SNX13: variants seen among roughly 807,000 people sequenced by gnomAD.
The protein encoded by SNX13 is sorting nexin 13.
Under a neutral mutation model 133.6 loss-of-function variants are expected in SNX13, and 45 were observed. The observed-to-expected ratio is 0.34, with a 90% CI of 0.27 to 0.43. The LOEUF (loss-of-function observed/expected upper bound fraction) is 0.43, where lower values mean the gene tolerates loss of function less well. Among genes scored for constraint, SNX13 ranks in the 20% least tolerant of loss-of-function variants. SNX13 has a pLI of 1.00. For synonymous variants in SNX13, 414 were observed against 373.9 expected, an observed-to-expected ratio of 1.11 and a Z score of -1.24; for missense variants, 1,032 against 1,145.1, an observed-to-expected ratio of 0.90 and a Z score of 1.43.
chr7:17,893,965 G>C (rs1796926656), intron 2 of SNX13, among the ~76,000 whole-genome samples: 1 of 111,074 alleles, frequency 9.0e-6, no homozygotes, highest in Admixed American at 9.3e-5. Flanking sequence ...GATCAAGACT[G>C]TCTCGAAAAA....
chr7:17,917,442 G>A (rs180797477), intron 1 of SNX13, among the ~76,000 whole-genome samples: 26 of 152,006 alleles, frequency 1.7e-4, no homozygotes, highest in Non-Finnish European at 1.9e-4. Flanking sequence ...TCCTAGACCC[G>A]ATATACAACT....
Position 17,793,892 on chromosome 7 carries a change from GAGA to G in SNX13, c.*150_*152del. On this transcript the variant is annotated 3_prime_UTR_variant, in exon 26 of 26. Coordinates refer to ENST00000428135, the MANE Select transcript of SNX13 (RefSeq NM_015132.5). ...GTAGTGGTGGATTATAGATGAGAATGAGAAGAACCACAGACTTATGGATGTATT... is the reference window on the plus strand; with the variant it reads ...GTAGTGGTGGATTATAGATGAGAATGAGAACCACAGACTTATGGATGTATT... 1 of 754,790 alleles carries G rather than the reference GAGA, an allele frequency of 1.3e-6. No individual in the cohort carries two copies. The highest frequency in any genetic ancestry group is 2.0e-6 in the Non-Finnish European group (1 of 494,284). 46.8% of individuals were successfully genotyped at this position (754,790 alleles called of 1,614,324 possible). A position where few individuals can be genotyped will look rare whatever the true frequency, so the allele number is the denominator to read the frequency against.
chr7:17,837,006 G>A (rs1178923526), intron 13 of SNX13, among the ~76,000 whole-genome samples: 1 of 151,876 alleles, frequency 6.6e-6, no homozygotes, highest in Non-Finnish European at 1.5e-5. Flanking sequence ...CATCTTTTAT[G>A]CAGTGTTACC....
chr7:17,854,545 C>A (rs1005851278), intron 9 of SNX13, among the ~76,000 whole-genome samples: 2 of 152,130 alleles, frequency 1.3e-5, no homozygotes, highest in Non-Finnish European at 2.9e-5. Context: ...ACAACATGTG[C>A]CCATGTCATG....
chr7:17,851,094 G>A, intron 9 of SNX13, 130 bp from the exon 10 acceptor site: 5 of 914,264 alleles, frequency 5.5e-6, no homozygotes, highest in Non-Finnish European at 8.0e-6. Context: ...AAAGAAAAAA[G>A]TTCTATATTT....
chr7:17,831,273 A>T lies in SNX13; in HGVS notation c.1598-1226T>A, dbSNP rs550733328. ...CTACAAATATTAGAAAACAAAAGAA[A>T]GCACTGTTCAACATGGTGAGACAAA... On this transcript the variant is annotated intron_variant, in intron 15 of 25. Coordinates refer to ENST00000428135, the MANE Select transcript of SNX13 (RefSeq NM_015132.5). The T allele has an allele frequency of 3.1e-6, 3 of 977,676 alleles. No individual in the cohort carries two copies. In the African/African-American group the frequency reaches 5.3e-5, roughly 17 times the overall value. 60.6% of individuals were successfully genotyped at this position (977,676 alleles called of 1,614,324 possible).
intron 20 of SNX13, among the ~76,000 whole-genome samples, chr7:17,811,800 T>C (rs1461747115): frequency 6.6e-6 from 1 of 152,048 alleles, no homozygotes; most frequent in Admixed American, 6.6e-5. Context: ...AAAACAGATA[T>C]ATAGACCAAT....
intron 18 of SNX13, among the ~76,000 whole-genome samples, chr7:17,816,739 A>C (rs1297077466): frequency 4.6e-5 from 7 of 152,204 alleles, no homozygotes; most frequent in Non-Finnish European, 1.0e-4. Context: ...TGAAAATCAG[A>C]AAATAAAAAA....
chr7:17,925,415 A>G (rs1201968285), intron 1 of SNX13, among the ~76,000 whole-genome samples: 1 of 152,198 alleles, frequency 6.6e-6, no homozygotes, highest in Admixed American at 6.5e-5. Flanking sequence ...TGCATGGTAT[A>G]TGAATTATAT....
chr7:17,903,570 G>A (rs1798079673), intron 1 of SNX13, among the ~76,000 whole-genome samples: 1 of 152,112 alleles, frequency 6.6e-6, no homozygotes, highest in Non-Finnish European at 1.5e-5. Context: ...ACTGTGGGGA[G>A]TAAATGAGTT....
chr7:17,867,784 A>T (rs1343546318), intron 9 of SNX13, among the ~76,000 whole-genome samples: 1 of 152,164 alleles, frequency 6.6e-6, no homozygotes, highest in Non-Finnish European at 1.5e-5. Context: ...AAGATCTAGA[A>T]GTAGGTATCA....
intron 12 of SNX13, 133 bp downstream of exon 12, chr7:17,845,462 A>T (rs1434562004): frequency 1.7e-6 from 1 of 580,056 alleles, no homozygotes; most frequent in East Asian, 3.1e-5. Context: ...GTACAACATC[A>T]TGAATACATT....
At chr7:17,823,891 C>T (rs1249090740) in intron 17 of SNX13, among the ~76,000 whole-genome samples, 1 of 151,614 alleles carries the variant, frequency 6.6e-6, no homozygotes, top group Non-Finnish European at 1.5e-5. Flanking sequence ...AGGAGAATAG[C>T]AAGGAACAAA....
intron 13 of SNX13, among the ~76,000 whole-genome samples, chr7:17,839,155 CAT>C (rs1253648704): frequency 6.7e-6 from 1 of 149,062 alleles, no homozygotes; most frequent in African/African-American, 2.4e-5. Context: ...AATCATATTA[CAT>C]AAAATATATT....
chr7:17,855,721 A>G (rs1562781184), intron 9 of SNX13, among the ~76,000 whole-genome samples: 1 of 152,212 alleles, frequency 6.6e-6, no homozygotes, highest in African/African-American at 2.4e-5. Context: ...CACTGACAAC[A>G]CACCTGGTCG....
rs1796848604 is a variant in SNX13 at position 17,893,406 on chromosome 7, T to C, written c.154A>G (p.Lys52Glu). ...GGLVVTLLFG[K>E]TNSEKYLEQC... ...TCTAGGTACTTCTCTGAGTTTGTTT[T>C]TCCAAACAGGAGAGTAACCACTAAA... is the stretch of plus-strand genomic sequence containing the variant. Residue 52 changes from lysine to glutamate, a missense_variant, in exon 3 of 26, where the codon AAA becomes GAA. Physicochemically the swap from Lys to Glu is moderately conservative, Grantham distance 56 (BLOSUM62 1). Transcript: ENST00000428135. The C allele has an allele frequency of 1.3e-6, 2 of 1,566,928 alleles. No homozygotes were observed. The highest frequency in any genetic ancestry group is 1.7e-6 in the Non-Finnish European group (2 of 1,154,364).
At chr7:17,809,093 T>C (rs1334657644) in intron 20 of SNX13, among the ~76,000 whole-genome samples, 1 of 151,886 alleles carries the variant, frequency 6.6e-6, no homozygotes, top group Non-Finnish European at 1.5e-5. Context: ...CAGGATCAAA[T>C]TCACACATAA....
At chr7:17,850,295 C>A in intron 11 of SNX13, 52 bp downstream of exon 11, 1 of 1,184,004 alleles carries the variant, frequency 8.4e-7, no homozygotes, top group Non-Finnish European at 1.2e-6. Context: ...ATTTTTAATC[C>A]CTATAGTATA....
At chr7:17,847,281 TTTC>T (rs775210496) in intron 11 of SNX13, among the ~76,000 whole-genome samples, 8 of 152,150 alleles carry the variant, frequency 5.3e-5, no homozygotes, top group Non-Finnish European at 1.2e-4. Flanking sequence ...TCAAGTAATG[TTTC>T]TTAAGTTATA....
Sources: allele counts gnomAD v4.1 joint callset (sites outside exome capture counted in the v4.1 genomes callset), GRCh38; gene constraint gnomAD v4.1.1; transcripts MANE v1.5; gene names NCBI Gene and HGNC (gene_info 2026-07-23, HGNC 2026-07-21).